RASGRP3: variants seen among roughly 807,000 people sequenced by gnomAD.
RASGRP3 encodes the protein RAS guanyl releasing protein 3.
A neutral mutation model predicts 82.7 loss-of-function variants in RASGRP3; 54 were observed. The observed-to-expected ratio is 0.65, with a 90% CI of 0.52 to 0.82. RASGRP3 has a LOEUF of 0.82. Among genes scored for constraint, RASGRP3 ranks in the 40% least tolerant of loss-of-function variants. The pLI is 0.00. For synonymous variants in RASGRP3, 309 were observed against 300.5 expected (o/e 1.03, Z -0.29); for missense variants, 861 against 828.9 (o/e 1.04, Z -0.48).
At chr2:33,545,357 T>C (rs923680822) in intron 13 of RASGRP3, among the ~76,000 whole-genome samples, 1 of 152,230 alleles carries the variant, frequency 6.6e-6, no homozygotes, top group Non-Finnish European at 1.5e-5. Context: ...GAAGTAGCTA[T>C]TAATTAGTAC....
At chr2:33,529,270 A>G (rs889089977) in intron 10 of RASGRP3, among the ~76,000 whole-genome samples, 1 of 151,766 alleles carries the variant, frequency 6.6e-6, no homozygotes, top group East Asian at 1.9e-4. Flanking sequence ...CAAGGCGGGC[A>G]GATCACAAGG....
upstream of RASGRP3, among the ~76,000 whole-genome samples, chr2:33,474,464 G>A (rs1224793992): frequency 2.6e-5 from 4 of 152,158 alleles, no homozygotes; most frequent in South Asian, 2.1e-4. Context: ...CACCACGCCC[G>A]GCTAATTTTT....
In RASGRP3 at chr2:33,562,953, C is replaced by G. The variant is rs1000840456; in HGVS notation, c.*216C>G. ...ACTATTTATTTCCTCCTCCCCTACC[C>G]CTAGTTAAGTGCCACAAAGACTGTG... On this transcript the variant is annotated 3_prime_UTR_variant, in exon 18 of 18. Coordinates refer to ENST00000403687, the MANE Select transcript of RASGRP3 (RefSeq NM_001139488.2). 1 of 621,532 alleles carries G rather than the reference C, an allele frequency of 1.6e-6. No individual in the cohort carries two copies. Among genetic ancestry groups the G allele is most frequent in the Non-Finnish European group, 2.8e-6 (1 of 358,788 alleles). 38.5% of individuals were successfully genotyped at this position (621,532 alleles called of 1,614,324 possible). A position where few individuals can be genotyped will look rare whatever the true frequency, so the allele number is the denominator to read the frequency against.
At chr2:33,449,531 G>T (rs1265122467) in intron 2 of RASGRP3, among the ~76,000 whole-genome samples, 1 of 152,152 alleles carries the variant, frequency 6.6e-6, no homozygotes, top group Non-Finnish European at 1.5e-5. Flanking sequence ...GGAGGCCGAG[G>T]GGGGCAGACC....
In RASGRP3 at chr2:33,520,507, C is replaced by G; in HGVS notation, c.237-46C>G. 2.5e-6 allele frequency: 4 copies of G among 1,608,670 alleles called. No individual in the cohort carries two copies. In the South Asian group the frequency reaches 4.4e-5, roughly 18 times the overall value. On this transcript the variant is annotated intron_variant, in intron 5 of 17. Coordinates refer to ENST00000403687, the MANE Select transcript of RASGRP3 (RefSeq NM_001139488.2). ...ACGGTACAATCGTTTCCATAGATAA[C>G]CAACTTGCAATCTTCCAGCTGCCAA... is the stretch of plus-strand genomic sequence containing the variant.
At chr2:33,449,494 G>T (rs1050877090) in intron 2 of RASGRP3, among the ~76,000 whole-genome samples, 1 of 152,202 alleles carries the variant, frequency 6.6e-6, no homozygotes, top group Non-Finnish European at 1.5e-5. Context: ...GGGCGCGGTG[G>T]CTCACGCCTG....
intron 1 of RASGRP3, among the ~76,000 whole-genome samples, chr2:33,444,620 A>C (rs1274395728): frequency 1.3e-5 from 2 of 152,216 alleles, no homozygotes; most frequent in Admixed American, 1.3e-4. Context: ...TTCTGTACTC[A>C]CAGTCATCTC....
intron 2 of RASGRP3, among the ~76,000 whole-genome samples, chr2:33,448,870 G>C (rs1551484): frequency 0.35 from 53,266 of 151,984 alleles, 10,467 homozygotes; most frequent in Non-Finnish European, 0.44. Context: ...ATAGCAAAAC[G>C]CAGTGAATTG....
At chr2:33,475,521 C>T (rs1483866049), upstream of RASGRP3, among the ~76,000 whole-genome samples, 5 of 152,212 alleles carry the variant, frequency 3.3e-5, no homozygotes, top group Admixed American at 6.5e-5. Flanking sequence ...CCCTGGGGGA[C>T]TTCAACCATC....
rs1022847861 is a variant in RASGRP3, at chr2:33,516,581, T to G, written c.110T>G (p.Ile37Arg). The G allele has an allele frequency of 6.3e-7, 1 of 1,594,582 alleles. No homozygotes were observed. Among genetic ancestry groups the G allele is most frequent in the African/African-American group, 1.3e-5 (1 of 74,678 alleles). The change falls in exon 4 of 18, where the codon ATA becomes AGA. Residue 37 changes from isoleucine to arginine, a missense_variant. By Grantham distance (97) the Ile-to-Arg change is moderately conservative (BLOSUM62 -3). Coordinates refer to ENST00000403687, the MANE Select transcript of RASGRP3 (RefSeq NM_001139488.2). ...GELDNSYLPR[I>R]VLLMHRWYLS... is the part of the protein sequence containing the mutation. ...CTGGATAATAGTTATTTGCCAAGAA[T>G]AGTTCTACTGATGCACCGATGGTAT...
chr2:33,469,135 T>C (rs1558410912), intron 2 of RASGRP3, among the ~76,000 whole-genome samples: 1 of 151,378 alleles, frequency 6.6e-6, no homozygotes, highest in Non-Finnish European at 1.5e-5. Context: ...AGATTGGTCA[T>C]TTATGTTTCT....
chr2:33,549,311 G>A (rs75092004), intron 13 of RASGRP3, among the ~76,000 whole-genome samples: 2,945 of 150,512 alleles, frequency 0.02, 99 homozygotes, highest in African/African-American at 0.068. Context: ...TCATAATAAA[G>A]ACTTTCTGTG....
intron 2 of RASGRP3, among the ~76,000 whole-genome samples, chr2:33,457,488 A>G (rs1015829217): frequency 4.6e-5 from 7 of 152,080 alleles, no homozygotes; most frequent in African/African-American, 1.4e-4. Context: ...CATCTTTTTC[A>G]TGGCTACATG....
At chr2:33,449,262 T>A (rs1665659011) in intron 2 of RASGRP3, among the ~76,000 whole-genome samples, 1 of 152,246 alleles carries the variant, frequency 6.6e-6, no homozygotes, top group Non-Finnish European at 1.5e-5. Context: ...ATTAACAAAG[T>A]ATGCAGAGTT....
chr2:33,554,216 G>A (rs908026663), intron 14 of RASGRP3, among the ~76,000 whole-genome samples: 17 of 152,146 alleles, frequency 1.1e-4, no homozygotes, highest in Non-Finnish European at 2.9e-5. Context: ...GGGCCATGCT[G>A]CCCACATGTG....
intron 17 of RASGRP3, chr2:33,559,704 A>G: frequency 2.0e-6 from 1 of 500,730 alleles, no homozygotes; most frequent in South Asian, 1.5e-5. Context: ...TTGGCATGAT[A>G]TTCCTAACAT....
At chr2:33,516,430 A>G (rs747367589) in intron 3 of RASGRP3, 112 bp from the exon 4 acceptor site, 4 of 665,676 alleles carry the variant, frequency 6.0e-6, no homozygotes, top group Non-Finnish European at 1.0e-5. Flanking sequence ...ATAAAAGATC[A>G]TTTGTCTATG....
At chr2:33,516,687 A>T in intron 4 of RASGRP3, 43 bp downstream of exon 4, 1 of 1,326,114 alleles carries the variant, frequency 7.5e-7, no homozygotes, top group South Asian at 1.3e-5. Context: ...TCATAAATCA[A>T]GCTCTGTATT....
At chr2:33,464,643 C>A (rs1666583490) in intron 2 of RASGRP3, among the ~76,000 whole-genome samples, 2 of 152,000 alleles carry the variant, frequency 1.3e-5, no homozygotes, top group African/African-American at 4.8e-5. Flanking sequence ...AAGCTGATTT[C>A]TTTTCTTACA....
Sources: allele counts gnomAD v4.1 joint callset (sites outside exome capture counted in the v4.1 genomes callset), GRCh38; gene constraint gnomAD v4.1.1; transcripts MANE v1.5; gene names NCBI Gene and HGNC (gene_info 2026-07-23, HGNC 2026-07-21).